AP1G1: variants seen among roughly 807,000 people sequenced by gnomAD.
AP1G1 encodes adaptor related protein complex 1 subunit gamma 1, also known as AP-1 complex subunit gamma-1.
AP1G1 carries 7 observed loss-of-function variants against 108.3 expected under a neutral mutation model. That is an observed-to-expected ratio of 0.06 (90% CI 0.04 to 0.12). The LOEUF is 0.12. Among genes scored for constraint, AP1G1 ranks in the 10% least tolerant of loss-of-function variants. AP1G1 has a pLI of 1.00. For synonymous variants in AP1G1, 379 were observed against 353.5 expected, an observed-to-expected ratio of 1.07 and a Z score of -0.81; for missense variants, 756 against 1,010.7, an observed-to-expected ratio of 0.75 and a Z score of 3.42.
intron 1 of AP1G1, among the ~76,000 whole-genome samples, chr16:71,807,202 G>C (rs1377538443): frequency 1.3e-5 from 2 of 152,146 alleles, no homozygotes; most frequent in Non-Finnish European, 2.9e-5. Context: ...GAGGCGGGCG[G>C]ATTACCTGAG....
rs1355712652 is a variant in AP1G1, at chr16:71,731,271, T to C, written c.*1787A>G. On this transcript the variant is annotated 3_prime_UTR_variant, in exon 23 of 23. Coordinates refer to ENST00000299980, the MANE Select transcript of AP1G1 (RefSeq NM_001128.6). ...CCAGTGGAGTAAGTTTTAGCAGATCTTGCTCATACACACTAGTAAGACCAG... is the reference window on the plus strand; with the variant it reads ...CCAGTGGAGTAAGTTTTAGCAGATCCTGCTCATACACACTAGTAAGACCAG... 1.3e-5 allele frequency: 2 copies of C among 152,750 alleles called. No individual in the cohort carries two copies. The highest frequency in any genetic ancestry group is 3.9e-4 in the East Asian group (2 of 5,190). The allele number at this position is 152,750 out of a possible 1,614,324, so 9.5% of individuals were successfully genotyped here. A position where few individuals can be genotyped will look rare whatever the true frequency, so the allele number is the denominator to read the frequency against.
intron 11 of AP1G1, chr16:71,758,313 G>C: frequency 2.3e-6 from 1 of 437,660 alleles, no homozygotes; most frequent in South Asian, 1.7e-5. Flanking sequence ...TTTTGAGAGT[G>C]CTACCTGCTG....
intron 21 of AP1G1, among the ~76,000 whole-genome samples, chr16:71,737,008 G>A (rs1233655578): frequency 6.6e-6 from 1 of 152,120 alleles, no homozygotes; most frequent in Non-Finnish European, 1.5e-5. Flanking sequence ...GCAGCCTAAA[G>A]TAACAAGTAT....
intron 1 of AP1G1, among the ~76,000 whole-genome samples, chr16:71,801,615 G>T (rs2032803126): frequency 6.6e-6 from 1 of 151,918 alleles, no homozygotes; most frequent in Non-Finnish European, 1.5e-5. Context: ...TTTGATTGTT[G>T]ACATGATGCT....
chr16:71,752,215 A>G (rs1457301248), intron 13 of AP1G1, among the ~76,000 whole-genome samples: 1 of 152,190 alleles, frequency 6.6e-6, no homozygotes, highest in African/African-American at 2.4e-5. Flanking sequence ...TCTCATAAAC[A>G]CTTTCCTTCA....
intron 2 of AP1G1, among the ~76,000 whole-genome samples, chr16:71,782,830 T>C (rs572904779): frequency 1.3e-5 from 2 of 152,268 alleles, no homozygotes; most frequent in South Asian, 4.1e-4. Flanking sequence ...TTTGGGGGTA[T>C]GACTGCCTCT....
rs1179402166 is a variant in AP1G1, at chr16:71,745,631, T to C, written c.1731-17A>G. 4 of 1,610,450 alleles carry C rather than the reference T, an allele frequency of 2.5e-6. No homozygotes were observed. Among genetic ancestry groups the C allele is most frequent in the Non-Finnish European group, 3.4e-6 (4 of 1,176,792 alleles). ...AGGGCAGACCTAGAAGAATCTGAAGTGGTTAAATTCTAGGCAGTTAACCTA... is the reference window on the plus strand; with the variant it reads ...AGGGCAGACCTAGAAGAATCTGAAGCGGTTAAATTCTAGGCAGTTAACCTA... On this transcript the variant is annotated splice_polypyrimidine_tract_variant and intron_variant, in intron 17 of 22. Transcript: ENST00000299980.
At chr16:71,738,079 G>A (rs781107009) in intron 21 of AP1G1, among the ~76,000 whole-genome samples, 13 of 152,026 alleles carry the variant, frequency 8.6e-5, no homozygotes, top group Non-Finnish European at 8.8e-5. Flanking sequence ...ATGGAGTCTC[G>A]CTCTGTCACC....
chr16:71,773,405 C>T (rs2145488836), intron 3 of AP1G1, 43 bp from the exon 4 acceptor site: 1 of 1,452,988 alleles, frequency 6.9e-7, no homozygotes, highest in Non-Finnish European at 9.1e-7. Flanking sequence ...CTGGTGCTCC[C>T]CAAGAAGCAG....
intron 2 of AP1G1, chr16:71,777,459 G>A (rs190947730): frequency 4.8e-5 from 10 of 209,786 alleles, no homozygotes; most frequent in Non-Finnish European, 1.0e-4. Context: ...GTGGAAATGA[G>A]AAAGCTGGGG....
intron 1 of AP1G1, among the ~76,000 whole-genome samples, chr16:71,807,559 T>A (rs1003401601): frequency 2.0e-5 from 3 of 152,238 alleles, no homozygotes; most frequent in Non-Finnish European, 4.4e-5. Flanking sequence ...ACGTGAAAGT[T>A]AGGGTGTGTG....
intron 13 of AP1G1, 135 bp downstream of exon 13, chr16:71,753,698 G>T: frequency 1.3e-6 from 1 of 783,452 alleles, no homozygotes; most frequent in Non-Finnish European, 2.2e-6. Flanking sequence ...TTTCTTCATG[G>T]CATTTATTCC....
chr16:71,767,583 C>T (rs1046090939), intron 6 of AP1G1, among the ~76,000 whole-genome samples: 2 of 152,128 alleles, frequency 1.3e-5, no homozygotes, highest in Non-Finnish European at 1.5e-5. Context: ...ACCAAAGCCA[C>T]TGGGAAACTG....
At chr16:71,772,138 CTTT>C (rs11453410) in intron 4 of AP1G1, among the ~76,000 whole-genome samples, 2 of 148,888 alleles carry the variant, frequency 1.3e-5, no homozygotes, top group Non-Finnish European at 3.0e-5. Context: ...CTTTTCTTTT[CTTT>C]TTTTTTTGAG....
At chr16:71,736,740 C>T (rs2045552952) in intron 21 of AP1G1, among the ~76,000 whole-genome samples, 1 of 143,194 alleles carries the variant, frequency 7.0e-6, no homozygotes. Flanking sequence ...CGCCCGCCAC[C>T]ACGCCCGGCT....
intron 6 of AP1G1, among the ~76,000 whole-genome samples, chr16:71,768,673 T>C (rs1309400611): frequency 6.7e-6 from 1 of 149,064 alleles, no homozygotes; most frequent in African/African-American, 2.5e-5. Context: ...CACAGCACTT[T>C]GGGAGGCTGA....
chr16:71,738,455 A>G (rs2045577327), intron 21 of AP1G1, among the ~76,000 whole-genome samples: 3 of 152,224 alleles, frequency 2.0e-5, no homozygotes, highest in African/African-American at 7.2e-5. Context: ...TACTGTATCT[A>G]TAATAAATTG....
intron 19 of AP1G1, among the ~76,000 whole-genome samples, chr16:71,743,746 G>C (rs777976226): frequency 1.4e-4 from 21 of 151,512 alleles, no homozygotes; most frequent in Non-Finnish European, 2.6e-4. Flanking sequence ...ACGAGGTCGG[G>C]ACCAACCTGG....
chr16:71,789,247 C>T, intron 2 of AP1G1, 32 bp downstream of exon 2: 1 of 1,581,966 alleles, frequency 6.3e-7, no homozygotes, highest in Non-Finnish European at 8.6e-7. Context: ...TCAAAGAATA[C>T]CCTTGCTACA....
Sources: gnomAD v4.1 joint callset for allele counts (sites outside exome capture counted in the v4.1 genomes callset) on GRCh38, gnomAD v4.1.1 for gene constraint, MANE v1.5 for transcripts, NCBI Gene and HGNC (gene_info 2026-07-23, HGNC 2026-07-21) for gene names.